The following RNF185 variants were observed in gnomAD, a reference collection of about 807,000 sequenced individuals.
The protein encoded by RNF185 is E3 ubiquitin-protein ligase RNF185.
In RNF185, 13 loss-of-function variants were observed where a neutral mutation model predicts 24.9. That is an observed-to-expected ratio of 0.52 (90% CI 0.34 to 0.83). The LOEUF is 0.83. RNF185 is among the 40% of genes least tolerant of loss of function. The probability of loss-of-function intolerance (pLI) is 0.01; values close to 1 mark genes in which losing one functional copy is unlikely to be tolerated. For synonymous variants in RNF185, 79 were observed against 90.3 expected (o/e 0.88, Z 0.71); for missense variants, 184 against 244.7 (o/e 0.75, Z 1.65).
intron 3 of RNF185, 103 bp from the exon 4 acceptor site, chr22:31,195,366 T>A: frequency 1.5e-6 from 1 of 653,686 alleles, no homozygotes; most frequent in African/African-American, 1.8e-5. Flanking sequence ...CATGCTGGTG[T>A]TTCCCAGTTT....
chr22:31,176,241 T>A lies in RNF185; in HGVS notation c.-48-10806T>A, dbSNP rs529395497. Among the ~76,000 whole-genome samples, 22 of 138,442 alleles carry A rather than the reference T, an allele frequency of 1.6e-4. 1 individual carries two copies. The South Asian group carries it at 4.8e-3, about 30-fold the overall frequency. 90.8% of individuals were successfully genotyped at this position (138,442 alleles called of 152,430 possible). On this transcript the variant is annotated intron_variant, in intron 1 of 6. Transcript: ENST00000326132. Reference sequence around the variant, plus strand: ...ACCTGCTGATAACAAATAAATTCAATTTTTTTTTTTTTTGAGACAGAATCT... The same window carrying A: ...ACCTGCTGATAACAAATAAATTCAAATTTTTTTTTTTTTGAGACAGAATCT...
intron 1 of RNF185, among the ~76,000 whole-genome samples, chr22:31,165,753 G>A (rs1157024598): frequency 2.0e-5 from 3 of 152,194 alleles, no homozygotes; most frequent in African/African-American, 7.2e-5. Context: ...GATAAGACTA[G>A]TCAGGGAGCC....
intron 1 of RNF185, among the ~76,000 whole-genome samples, chr22:31,170,253 A>T (rs944893777): frequency 6.6e-6 from 1 of 151,980 alleles, no homozygotes; most frequent in African/African-American, 2.4e-5. Flanking sequence ...CAGTGGTGCA[A>T]TCTCTGCTCA....
At chr22:31,196,469 A>G (rs1267164938) in intron 4 of RNF185, among the ~76,000 whole-genome samples, 1 of 152,214 alleles carries the variant, frequency 6.6e-6, no homozygotes, top group Non-Finnish European at 1.5e-5. Flanking sequence ...GGTGAGACTC[A>G]AAAATAATAG....
chr22:31,173,559 A>G (rs185930525), intron 1 of RNF185, among the ~76,000 whole-genome samples: 6 of 152,126 alleles, frequency 3.9e-5, no homozygotes, highest in Admixed American at 1.3e-4. Context: ...ACCATTTGTT[A>G]AGGACGTTGG....
chr22:31,195,192 A>T (rs1054712638), intron 3 of RNF185, among the ~76,000 whole-genome samples: 4 of 152,036 alleles, frequency 2.6e-5, no homozygotes, highest in African/African-American at 9.7e-5. Flanking sequence ...ACCTCAGGTG[A>T]TCCACCCACC....
At chr22:31,178,035 A>G (rs577083952) in intron 1 of RNF185, among the ~76,000 whole-genome samples, 17 of 152,170 alleles carry the variant, frequency 1.1e-4, no homozygotes, top group Non-Finnish European at 1.9e-4. Context: ...TATATTGAAG[A>G]TACTGGGTCA....
chr22:31,184,979 GA>G (rs1282467004), intron 1 of RNF185, among the ~76,000 whole-genome samples: 2 of 125,482 alleles, frequency 1.6e-5, no homozygotes, highest in African/African-American at 2.6e-5. Flanking sequence ...AATTTTTTAA[GA>G]TTTTTTTTTT....
chr22:31,199,380 C>T (rs2048239805), intron 5 of RNF185, among the ~76,000 whole-genome samples: 1 of 152,184 alleles, frequency 6.6e-6, no homozygotes, highest in Middle Eastern at 3.2e-3. Flanking sequence ...CACCAGGTGA[C>T]ACCACTTTAA....
intron 1 of RNF185, among the ~76,000 whole-genome samples, chr22:31,168,346 T>G (rs531946548): frequency 6.6e-6 from 1 of 152,304 alleles, no homozygotes; most frequent in Admixed American, 6.5e-5. Context: ...TTGACTGACT[T>G]ACTTCACCTA....
intron 1 of RNF185, among the ~76,000 whole-genome samples, chr22:31,163,660 A>T (rs1429388303): frequency 7.2e-6 from 1 of 139,798 alleles, no homozygotes; most frequent in Non-Finnish European, 1.5e-5. Context: ...ATTTTATTTT[A>T]TTTATTTATT....
intron 2 of RNF185, among the ~76,000 whole-genome samples, chr22:31,191,402 T>G (rs1443750108): frequency 6.6e-6 from 1 of 152,244 alleles, no homozygotes; most frequent in Non-Finnish European, 1.5e-5. Flanking sequence ...GGAACTATCC[T>G]TTGAGTTCAA....
chr22:31,173,424 C>CACACAG (rs1404976017), intron 1 of RNF185, among the ~76,000 whole-genome samples: 1 of 150,930 alleles, frequency 6.6e-6, no homozygotes, highest in Non-Finnish European at 1.5e-5. Context: ...CAGACACACA[C>CACACAG]ACACACACAC....
intron 3 of RNF185, 68 bp downstream of exon 3, chr22:31,192,770 G>C: frequency 1.2e-5 from 17 of 1,465,958 alleles, no homozygotes; most frequent in Non-Finnish European, 1.6e-5. Flanking sequence ...CTAGTCTCAG[G>C]AGACTGCTTT....
At position 31,205,843 on chromosome 22, in the gene RNF185, AATT is replaced by A. The variant is rs1270854782; in HGVS notation, c.*1261_*1263del. ...CTTCCCTCCTGTGGAATCGAGGGGA[AATT>A]ATTCTTCCCAATACCTTGATTTGAT... On this transcript the variant is annotated 3_prime_UTR_variant, in exon 7 of 7. Coordinates refer to ENST00000326132, the MANE Select transcript of RNF185 (RefSeq NM_152267.4). 6.6e-6 allele frequency: 1 copy of A among 152,538 alleles called. No homozygotes were observed. Among genetic ancestry groups the A allele is most frequent in the African/African-American group, 2.4e-5 (1 of 41,582 alleles). The allele number at this position is 152,538 out of a possible 1,614,324, so 9.4% of individuals were successfully genotyped here. A position where few individuals can be genotyped will look rare whatever the true frequency, so the allele number is the denominator to read the frequency against.
At chr22:31,198,643 C>CTT (rs1298748622) in intron 5 of RNF185, among the ~76,000 whole-genome samples, 8 of 150,500 alleles carry the variant, frequency 5.3e-5, no homozygotes, top group Non-Finnish European at 8.9e-5. Flanking sequence ...AGATGATCCG[C>CTT]CCTCCTTGGC....
chr22:31,162,588 T>G (rs1022013085), intron 1 of RNF185, among the ~76,000 whole-genome samples: 5 of 150,932 alleles, frequency 3.3e-5, no homozygotes, highest in African/African-American at 1.2e-4. Flanking sequence ...AATAACTTGT[T>G]CCATTTGTTT....
At chr22:31,171,920 A>G (rs546461297) in intron 1 of RNF185, among the ~76,000 whole-genome samples, 4 of 152,134 alleles carry the variant, frequency 2.6e-5, no homozygotes, top group South Asian at 4.2e-4. Context: ...GTGAGCCAAG[A>G]TTGCGCCATT....
chr22:31,182,908 T>TTTTTTATTA lies in RNF185; in HGVS notation c.-48-4137_-48-4136insTTTATTATT, dbSNP rs71319169. 33 of 143,052 alleles carry TTTTTTATTA rather than the reference T, an allele frequency of 2.3e-4. No individual in the cohort carries two copies. In the East Asian group the frequency reaches 5.3e-3, roughly 23 times the overall value. 8.9% of individuals were successfully genotyped at this position (143,052 alleles called of 1,614,324 possible). A position where few individuals can be genotyped will look rare whatever the true frequency, so the allele number is the denominator to read the frequency against. On this transcript the variant is annotated intron_variant, in intron 1 of 6. Transcript: ENST00000326132. ...TTCTGTAAATAGGTAATTTATTTTA[T>TTTTTTATTA]TTATTATTATTATTATTATTATTAT...
Sources: gnomAD v4.1 joint callset for allele counts (sites outside exome capture counted in the v4.1 genomes callset) on GRCh38, gnomAD v4.1.1 for gene constraint, MANE v1.5 for transcripts, NCBI Gene and HGNC (gene_info 2026-07-23, HGNC 2026-07-21) for gene names.